The following ENTREP2 variants were observed in gnomAD, a reference collection of about 807,000 sequenced individuals.
The protein encoded by ENTREP2 is endosomal transmembrane epsin interactor 2, also known as protein ENTREP2.
chr15:29,347,990 G>A, the ENTREP2 span, among the ~76,000 whole-genome samples: 1 of 152,092 alleles, frequency 6.6e-6, no homozygotes, highest in African/African-American at 2.4e-5. Context: ...AATATAGAGG[G>A]GCACCATCTG....
the ENTREP2 span, among the ~76,000 whole-genome samples, chr15:29,490,399 A>G: frequency 2.6e-5 from 4 of 152,138 alleles, no homozygotes; most frequent in Admixed American, 2.6e-4. Context: ...ATGGAAGAGA[A>G]CCCAAACAGT....
the ENTREP2 span, among the ~76,000 whole-genome samples, chr15:29,187,935 A>T: frequency 7.2e-5 from 11 of 152,246 alleles, no homozygotes; most frequent in Non-Finnish European, 1.3e-4. Flanking sequence ...TCATCCAGGG[A>T]TGCCTGCTAG....
the ENTREP2 span, among the ~76,000 whole-genome samples, chr15:29,530,975 A>G: frequency 6.6e-6 from 1 of 152,108 alleles, no homozygotes; most frequent in Admixed American, 6.5e-5. Flanking sequence ...GACCCATCCC[A>G]AAACGGTGCC....
the ENTREP2 span, among the ~76,000 whole-genome samples, chr15:29,392,609 T>C: frequency 0.015 from 2,287 of 152,292 alleles, 66 homozygotes; most frequent in African/African-American, 0.053. Flanking sequence ...TCCTTGCCTT[T>C]AGTATTCTGA....
At chr15:29,136,877 G>A in the ENTREP2 span, among the ~76,000 whole-genome samples, 1 of 152,172 alleles carries the variant, frequency 6.6e-6, no homozygotes, top group Non-Finnish European at 1.5e-5. Context: ...GCGTTGCAAA[G>A]GTGCCACGGG....
chr15:29,127,063 C>G, the ENTREP2 span, among the ~76,000 whole-genome samples: 1 of 152,200 alleles, frequency 6.6e-6, no homozygotes, highest in South Asian at 2.1e-4. Context: ...CCCATGGAAG[C>G]AGAGACTCTG....
At chr15:29,533,227 T>C in the ENTREP2 span, among the ~76,000 whole-genome samples, 1 of 152,352 alleles carries the variant, frequency 6.6e-6, no homozygotes, top group African/African-American at 2.4e-5. Flanking sequence ...CAGTGCGCTA[T>C]GTCTATCCAC....
chr15:29,291,308 C>T, the ENTREP2 span, among the ~76,000 whole-genome samples: 1 of 152,138 alleles, frequency 6.6e-6, no homozygotes, highest in African/African-American at 2.4e-5. Context: ...TCAGGCACCC[C>T]CACTCCTGCC....
At chr15:29,143,781 CA>C in the ENTREP2 span, among the ~76,000 whole-genome samples, 2 of 152,110 alleles carry the variant, frequency 1.3e-5, no homozygotes. Flanking sequence ...ACCAAAGCCA[CA>C]ACTGAATGCA....
chr15:29,156,580 G>A, the ENTREP2 span, among the ~76,000 whole-genome samples: 1 of 152,130 alleles, frequency 6.6e-6, no homozygotes. Context: ...CGGTTGAAGT[G>A]AGACTGGACA....
At chr15:29,311,464 C>T in the ENTREP2 span, among the ~76,000 whole-genome samples, 1 of 152,208 alleles carries the variant, frequency 6.6e-6, no homozygotes, top group Non-Finnish European at 1.5e-5. Context: ...GCGAGGTGGG[C>T]GGATCACTTG....
At chr15:29,451,964 T>C in the ENTREP2 span, among the ~76,000 whole-genome samples, 1 of 152,264 alleles carries the variant, frequency 6.6e-6, no homozygotes, top group Non-Finnish European at 1.5e-5. Flanking sequence ...GTTAAGTAAA[T>C]GTGTATTCAC....
the ENTREP2 span, among the ~76,000 whole-genome samples, chr15:29,644,834 AAAAG>A: frequency 2.6e-5 from 4 of 151,664 alleles, no homozygotes; most frequent in African/African-American, 9.7e-5. Flanking sequence ...AAAAGAAAAA[AAAAG>A]AAAGAAAAGA....
At chr15:29,456,916 T>A in the ENTREP2 span, among the ~76,000 whole-genome samples, 1 of 152,018 alleles carries the variant, frequency 6.6e-6, no homozygotes, top group African/African-American at 2.4e-5. Flanking sequence ...GTGAGGCTGA[T>A]GAAGGCATAG....
the ENTREP2 span, among the ~76,000 whole-genome samples, chr15:29,423,379 A>G: frequency 6.6e-6 from 1 of 152,234 alleles, no homozygotes; most frequent in Admixed American, 6.5e-5. Context: ...ATGCTGCTAA[A>G]TTTAGTTAAC....
chr15:29,164,075 A>G, the ENTREP2 span, among the ~76,000 whole-genome samples: 2 of 152,220 alleles, frequency 1.3e-5, no homozygotes, highest in African/African-American at 2.4e-5. Context: ...TAAGCATCAT[A>G]TATGAAAGAA....
At chr15:29,396,089 C>T in the ENTREP2 span, among the ~76,000 whole-genome samples, 1 of 152,194 alleles carries the variant, frequency 6.6e-6, no homozygotes, top group East Asian at 1.9e-4. Context: ...CATCACCTCA[C>T]TAGTTACCAT....
At chr15:29,565,430 A>G in the ENTREP2 span, among the ~76,000 whole-genome samples, 2 of 152,188 alleles carry the variant, frequency 1.3e-5, no homozygotes, top group Non-Finnish European at 2.9e-5. Context: ...AGGCTGGATA[A>G]GCAGCACTGT....
the ENTREP2 span, among the ~76,000 whole-genome samples, chr15:29,552,466 G>C: frequency 9.2e-5 from 14 of 152,112 alleles, no homozygotes; most frequent in Admixed American, 8.5e-4. Context: ...GGGCACCAGA[G>C]TGTACACCTG....
Sources: allele counts gnomAD v4.1 joint callset (sites outside exome capture counted in the v4.1 genomes callset), GRCh38; gene constraint gnomAD v4.1.1; transcripts MANE v1.5; gene names NCBI Gene and HGNC (gene_info 2026-07-23, HGNC 2026-07-21).